Variants in PLEKHA2 observed in about 807,000 individuals in gnomAD.
PLEKHA2 encodes the protein pleckstrin homology domain containing A2.
In PLEKHA2, 28 loss-of-function variants were observed where a neutral mutation model predicts 53.2. The observed-to-expected ratio is 0.53, with a 90% CI of 0.39 to 0.72. The LOEUF (loss-of-function observed/expected upper bound fraction) is 0.72. PLEKHA2 is among the 30% of genes least tolerant of loss of function. PLEKHA2 has a pLI of 0.00. For missense variants in PLEKHA2, 426 were observed against 537.9 expected (o/e 0.79, Z 2.06); for synonymous variants, 193 against 196.4 (o/e 0.98, Z 0.14).
At chr8:38,968,968 A>T in intron 11 of PLEKHA2, 1 of 340,842 alleles carries the variant, frequency 2.9e-6, no homozygotes, top group Non-Finnish European at 5.3e-6. Flanking sequence ...GCACGATCTC[A>T]GCTTACTGCA....
In PLEKHA2 at chr8:38,952,265, G is replaced by A. The variant is rs769951128; in HGVS notation, c.586G>A (p.Gly196Arg). 2.5e-6 allele frequency: 4 copies of A among 1,612,656 alleles called. No individual in the cohort carries two copies. Among genetic ancestry groups the A allele is most frequent in the Admixed American group, 3.3e-5 (2 of 59,808 alleles). The change falls in exon 7 of 12, where the codon GGG becomes AGG. Residue 196 changes from glycine to arginine, a missense_variant. Coordinates refer to ENST00000617275, the MANE Select transcript of PLEKHA2 (RefSeq NM_021623.2). ...CACGTCAGGCTGCCGTGCTTCCACTGGGCCTCCCCTCATTAAGAGTGGTTA... is the reference window on the plus strand; with the variant it reads ...CACGTCAGGCTGCCGTGCTTCCACTAGGCCTCCCCTCATTAAGAGTGGTTA... ...IPTSGCRAST[G>R]PPLIKSGYCV...
rs1253152454 is a variant in PLEKHA2, at chr8:38,901,421, C to G, written c.-48C>G. ...CCCGCCCGATGTAACGCGCCCCGCC[C>G]GAGCCCCGGCCCCTGCACGGGGGGG... On this transcript the variant is annotated 5_prime_UTR_variant, in exon 1 of 12. Transcript: ENST00000617275. The G allele has an allele frequency of 2.7e-5, 3 of 112,406 alleles. No individual in the cohort carries two copies. The highest frequency in any genetic ancestry group is 3.8e-5 in the Non-Finnish European group (2 of 52,472). The allele number at this position is 112,406 out of a possible 1,614,324, so 7.0% of individuals were successfully genotyped here.
intron 5 of PLEKHA2, among the ~76,000 whole-genome samples, chr8:38,946,848 A>G (rs1317602175): frequency 2.0e-5 from 3 of 152,196 alleles, no homozygotes; most frequent in East Asian, 3.8e-4. Flanking sequence ...TTTGGAAAAA[A>G]CTAGACTTTT....
At chr8:38,966,541 CTCTGT>C (rs2129424883) in intron 10 of PLEKHA2, among the ~76,000 whole-genome samples, 1 of 152,308 alleles carries the variant, frequency 6.6e-6, no homozygotes, top group South Asian at 2.1e-4. Flanking sequence ...CCAGCGTTTG[CTCTGT>C]TCACTTGAAC....
intron 2 of PLEKHA2, among the ~76,000 whole-genome samples, chr8:38,918,737 C>T (rs570498719): frequency 3.0e-4 from 45 of 149,198 alleles, no homozygotes; most frequent in African/African-American, 6.9e-4. Flanking sequence ...CAGACACATG[C>T]GCACACGCAC....
chr8:38,946,718 C>G (rs539395364), intron 5 of PLEKHA2, among the ~76,000 whole-genome samples: 1 of 152,328 alleles, frequency 6.6e-6, no homozygotes, highest in East Asian at 1.9e-4. Context: ...CGTTCATGGA[C>G]TGTCCTACGA....
intron 11 of PLEKHA2, 159 bp downstream of exon 11, chr8:38,968,828 A>G: frequency 1.6e-6 from 1 of 636,152 alleles, no homozygotes; most frequent in South Asian, 2.2e-5. Context: ...TAATTTGGGT[A>G]CACATTTTTA....
chr8:38,912,975 C>A (rs186614529), intron 1 of PLEKHA2, among the ~76,000 whole-genome samples: 1 of 152,088 alleles, frequency 6.6e-6, no homozygotes. Context: ...CCCTTGGGTC[C>A]GTGAGGGCCC....
At chr8:38,964,765 C>G (rs1835102426) in intron 10 of PLEKHA2, among the ~76,000 whole-genome samples, 1 of 148,304 alleles carries the variant, frequency 6.7e-6, no homozygotes, top group Admixed American at 6.9e-5. Flanking sequence ...AAATGAATAG[C>G]AAAAAGACTG....
At chr8:38,930,495 C>G (rs569637632) in intron 2 of PLEKHA2, among the ~76,000 whole-genome samples, 1 of 152,258 alleles carries the variant, frequency 6.6e-6, no homozygotes, top group Non-Finnish European at 1.5e-5. Context: ...TGAGCCACCA[C>G]GCTCAGCCTA....
intron 10 of PLEKHA2, among the ~76,000 whole-genome samples, chr8:38,963,107 A>G (rs889669317): frequency 6.6e-6 from 1 of 152,252 alleles, no homozygotes; most frequent in East Asian, 1.9e-4. Flanking sequence ...TGTATCTATT[A>G]TAGTGCTGGG....
At chr8:38,924,231 T>G (rs1834243831) in intron 2 of PLEKHA2, among the ~76,000 whole-genome samples, 1 of 152,124 alleles carries the variant, frequency 6.6e-6, no homozygotes, top group Non-Finnish European at 1.5e-5. Flanking sequence ...AAGGGCGTTC[T>G]GAGTTGGGGA....
At chr8:38,967,041 G>A (rs1020804360) in intron 10 of PLEKHA2, among the ~76,000 whole-genome samples, 1 of 146,148 alleles carries the variant, frequency 6.8e-6, no homozygotes, top group African/African-American at 2.5e-5. Context: ...GTGAGAATAT[G>A]TGGTATTTGA....
At chr8:38,917,281 G>A (rs1287132200) in intron 1 of PLEKHA2, among the ~76,000 whole-genome samples, 1 of 152,124 alleles carries the variant, frequency 6.6e-6, no homozygotes. Context: ...TTAACTTGAT[G>A]TGATCCCGCC....
At chr8:38,909,959 CT>C (rs71216695) in intron 1 of PLEKHA2, among the ~76,000 whole-genome samples, 327 of 141,476 alleles carry the variant, frequency 2.3e-3, no homozygotes, top group Non-Finnish European at 3.0e-3. Context: ...CATTAAAATA[CT>C]TTTTTTTTTT....
intron 10 of PLEKHA2, among the ~76,000 whole-genome samples, chr8:38,960,475 T>G (rs968741899): frequency 6.6e-6 from 1 of 152,050 alleles, no homozygotes; most frequent in African/African-American, 2.4e-5. Flanking sequence ...CAAGACCCTT[T>G]AAAGACCTTG....
Position 38,970,068 on chromosome 8 carries a change from A to G in PLEKHA2, c.*285A>G, listed in dbSNP as rs1037804439. ...GAGAGGAAGCTACCTATTCTATTCT[A>G]ACTATTCTGAGGTCTTCCTGGAGAG... On this transcript the variant is annotated 3_prime_UTR_variant, in exon 12 of 12. Coordinates refer to ENST00000617275, the MANE Select transcript of PLEKHA2 (RefSeq NM_021623.2). 1 of 523,702 alleles carries G rather than the reference A, an allele frequency of 1.9e-6. No homozygotes were observed. The highest frequency in any genetic ancestry group is 3.3e-6 in the Non-Finnish European group (1 of 302,738). The allele number at this position is 523,702 out of a possible 1,614,324, so 32.4% of individuals were successfully genotyped here.
At chr8:38,905,115 TC>T (rs1456178175) in intron 1 of PLEKHA2, among the ~76,000 whole-genome samples, 2 of 152,262 alleles carry the variant, frequency 1.3e-5, no homozygotes, top group Non-Finnish European at 2.9e-5. Context: ...GTAACTGAAA[TC>T]AGCACACCCT....
At chr8:38,937,735 CT>C (rs1834523345) in intron 3 of PLEKHA2, among the ~76,000 whole-genome samples, 1 of 152,224 alleles carries the variant, frequency 6.6e-6, no homozygotes, top group African/African-American at 2.4e-5. Context: ...TAACTCCTGC[CT>C]GACTCCCTGC....
Sources: allele counts gnomAD v4.1 joint callset (sites outside exome capture counted in the v4.1 genomes callset), GRCh38; gene constraint gnomAD v4.1.1; transcripts MANE v1.5; gene names NCBI Gene and HGNC (gene_info 2026-07-23, HGNC 2026-07-21).